PCDHA3: variants seen among roughly 807,000 people sequenced by gnomAD.
PCDHA3 encodes protocadherin alpha 3.
Under a neutral mutation model 62.2 loss-of-function variants are expected in PCDHA3, and 41 were observed. The ratio of observed to expected loss-of-function variants is 0.66; its 90% CI spans 0.51 to 0.86. The LOEUF is 0.86. PCDHA3 is among the 40% of genes least tolerant of loss of function. PCDHA3 has a pLI of 0.00. For synonymous variants in PCDHA3, 640 were observed against 555.4 expected, an observed-to-expected ratio of 1.15 and a Z score of -2.14; for missense variants, 1,304 against 1,241.2, an observed-to-expected ratio of 1.05 and a Z score of -0.76.
At position 140,801,768 on chromosome 5, in the gene PCDHA3, T is replaced by C. The variant is rs782500534; in HGVS notation, c.571T>C (p.Ser191Pro). The C allele has an allele frequency of 1.9e-6, 3 of 1,613,764 alleles. No homozygotes were observed. Among genetic ancestry groups the C allele is most frequent in the East Asian group, 2.2e-5 (1 of 44,894 alleles). Residue 191 changes from serine (S) to proline (P), a missense_variant, in exon 1 of 4, where the codon TCC (serine) becomes CCC (proline). By Grantham distance (74) the Ser-to-Pro change is moderately conservative. Coordinates refer to ENST00000522353, the MANE Select transcript of PCDHA3 (RefSeq NM_018906.3). ...DVKRNDEEIKSLGLVLKKNLN... is the reference protein window; with the variant it reads ...DVKRNDEEIKPLGLVLKKNLN... ...TAAAAGAAATGATGAGGAAATTAAA[T>C]CCCTTGGACTCGTGTTGAAAAAAAA... is the stretch of plus-strand genomic sequence containing the variant.
chr5:140,937,378 G>T (rs1248709474), intron 1 of PCDHA3, among the ~76,000 whole-genome samples: 1 of 152,130 alleles, frequency 6.6e-6, no homozygotes, highest in African/African-American at 2.4e-5. Context: ...GTTTATGTGT[G>T]TGTATGTGTA....
At chr5:140,909,312 A>AT (rs1365428416) in intron 1 of PCDHA3, among the ~76,000 whole-genome samples, 1 of 152,244 alleles carries the variant, frequency 6.6e-6, no homozygotes, top group Non-Finnish European at 1.5e-5. Context: ...AGAAAAAGGC[A>AT]TTTGCCAAAT....
At chr5:140,853,717 A>G in intron 1 of PCDHA3, 1 of 988,104 alleles carries the variant, frequency 1.0e-6, no homozygotes, top group Non-Finnish European at 1.2e-6. Context: ...CATTAGCAGC[A>G]CCTAAGTCCT....
chr5:140,849,804 G>A, intron 1 of PCDHA3: 2 of 1,598,448 alleles, frequency 1.3e-6, no homozygotes, highest in South Asian at 1.1e-5. Flanking sequence ...TTCACTGTGG[G>A]CCACGGCCAG....
intron 1 of PCDHA3, chr5:140,850,293 G>C (rs2150478191): frequency 6.3e-7 from 1 of 1,596,282 alleles, no homozygotes; most frequent in Non-Finnish European, 8.6e-7. Flanking sequence ...AGTGGACGCC[G>C]ACTCGGGCTA....
At chr5:140,843,104 C>G (rs1327692669) in intron 1 of PCDHA3, 6 of 1,595,598 alleles carry the variant, frequency 3.8e-6, no homozygotes, top group Non-Finnish European at 4.3e-6. Context: ...AGCGAAGGTG[C>G]GCGCAGTGGA....
chr5:140,943,435 A>G (rs941814689), intron 1 of PCDHA3, among the ~76,000 whole-genome samples: 2 of 152,148 alleles, frequency 1.3e-5, no homozygotes, highest in African/African-American at 4.8e-5. Flanking sequence ...AATATGATAT[A>G]AAGGATAGAA....
At chr5:140,924,596 T>C (rs1309205821) in intron 1 of PCDHA3, among the ~76,000 whole-genome samples, 1 of 152,116 alleles carries the variant, frequency 6.6e-6, no homozygotes, top group Non-Finnish European at 1.5e-5. Context: ...TATAGAAATA[T>C]GCAGGCTGAT....
chr5:140,856,311 G>C, intron 1 of PCDHA3: 1 of 1,598,566 alleles, frequency 6.3e-7, no homozygotes, highest in Non-Finnish European at 8.6e-7. Context: ...GTGAATTCTC[G>C]GATTGACCGC....
intron 1 of PCDHA3, among the ~76,000 whole-genome samples, chr5:140,891,207 GCTGTGTCTTTATAATCATC>G (rs2062985050): frequency 6.6e-6 from 1 of 152,054 alleles, no homozygotes; most frequent in Non-Finnish European, 1.5e-5. Context: ...GTTTTACCAT[GCTGTGTCTTTATAATCATC>G]CTGTTCTGGA....
Position 140,877,355 on chromosome 5 carries a change from C to T in PCDHA3, c.2394+73764C>T. On this transcript the variant is annotated intron_variant, in intron 1 of 3. Coordinates refer to ENST00000522353, the MANE Select transcript of PCDHA3 (RefSeq NM_018906.3). ...ATCCCGTTCCACGTGGGGCTGTACA[C>T]TGGCGAGATCAGCACGACACGCATC... 1.2e-6 allele frequency: 2 copies of T among 1,614,012 alleles called. No homozygotes were observed. Among genetic ancestry groups the T allele is most frequent in the Non-Finnish European group, 8.5e-7 (1 of 1,179,888 alleles).
rs548585515 is a variant in PCDHA3 at position 140,853,706 on chromosome 5, G to A, written c.2394+50115G>A. 358 of 988,170 alleles carry A rather than the reference G, an allele frequency of 3.6e-4. 28 individuals are homozygous for A. The South Asian group carries it at 0.015, about 41-fold the overall frequency. The allele number at this position is 988,170 out of a possible 1,614,324, so 61.2% of individuals were successfully genotyped here. A position where few individuals can be genotyped will look rare whatever the true frequency, so the allele number is the denominator to read the frequency against. ...TATCCTTAGACCTGCTAACGCATTA[G>A]CATTAGCAGCACCTAAGTCCTCATT... On this transcript the variant is annotated intron_variant, in intron 1 of 3. Coordinates refer to ENST00000522353, the MANE Select transcript of PCDHA3 (RefSeq NM_018906.3).
chr5:140,941,874 A>C (rs1554214738), intron 1 of PCDHA3, among the ~76,000 whole-genome samples: 1 of 152,222 alleles, frequency 6.6e-6, no homozygotes, highest in African/African-American at 2.4e-5. Context: ...GAGTTCTATC[A>C]CCAGTGACTA....
intron 1 of PCDHA3, chr5:140,829,968 T>G (rs1770719339): frequency 6.2e-7 from 1 of 1,613,838 alleles, no homozygotes; most frequent in Admixed American, 1.7e-5. Context: ...CGCGTGGGGC[T>G]GTACACGGGC....
intron 1 of PCDHA3, chr5:140,858,280 G>C (rs782403060): frequency 3.1e-6 from 5 of 1,597,578 alleles, no homozygotes; most frequent in Non-Finnish European, 4.3e-6. Context: ...GCGCGGTGGG[G>C]AGCTGGTCTT....
chr5:140,954,488 T>C (rs1270188262), intron 1 of PCDHA3, among the ~76,000 whole-genome samples: 1 of 152,246 alleles, frequency 6.6e-6, no homozygotes, highest in Non-Finnish European at 1.5e-5. Flanking sequence ...AGATATTTCA[T>C]TGTGGTTTTG....
At position 141,009,757 on chromosome 5, in the gene PCDHA3, A is replaced by G; in HGVS notation, c.2673A>G (p.Pro891=). 6.2e-7 allele frequency: 1 copy of G among 1,614,200 alleles called. No individual in the cohort carries two copies. Among genetic ancestry groups the G allele is most frequent in the Non-Finnish European group, 8.5e-7 (1 of 1,180,036 alleles). Residue 891 remains proline (P), a synonymous_variant, in exon 4 of 4, where the codon CCA becomes CCG. Coordinates refer to ENST00000522353, the MANE Select transcript of PCDHA3 (RefSeq NM_018906.3). ...AGTTGCCCGACAAATTCATTATCCCAGGATCTCCTGCAATCATCTCCATCC... is the reference window on the plus strand; with the variant it reads ...AGTTGCCCGACAAATTCATTATCCCGGGATCTCCTGCAATCATCTCCATCC... ...PGELPDKFII[P]GSPAIISIRQ... is the part of the protein sequence containing the mutation.
In PCDHA3 at chr5:140,808,955, G is replaced by A. The variant is rs1369862214; in HGVS notation, c.2394+5364G>A. ...GCCATGGTCGGTGGGTGTGGGCCAC[G>A]TGGTGGCAAAGGTGCGCGCGGTGGA... On this transcript the variant is annotated intron_variant, in intron 1 of 3. Transcript: ENST00000522353. The A allele has an allele frequency of 1.9e-5, 31 of 1,613,472 alleles. No individual in the cohort carries two copies. Among genetic ancestry groups the A allele is most frequent in the Non-Finnish European group, 2.5e-5 (29 of 1,179,716 alleles).
At chr5:140,928,453 T>C in intron 1 of PCDHA3, 1 of 1,613,888 alleles carries the variant, frequency 6.2e-7, no homozygotes, top group Non-Finnish European at 8.5e-7. Context: ...GCTCAGGGGG[T>C]TTCATTTCCA....
Sources: allele counts gnomAD v4.1 joint callset (sites outside exome capture counted in the v4.1 genomes callset), GRCh38; gene constraint gnomAD v4.1.1; transcripts MANE v1.5; gene names NCBI Gene and HGNC (gene_info 2026-07-23, HGNC 2026-07-21).